LRBA: variants seen among roughly 807,000 people sequenced by gnomAD.
LRBA encodes lipopolysaccharide-responsive and beige-like anchor protein.
In LRBA, 176 loss-of-function variants were observed where a neutral mutation model predicts 330.0. That is an observed-to-expected ratio of 0.53 (90% CI 0.47 to 0.60). The LOEUF (loss-of-function observed/expected upper bound fraction) is 0.60, where lower values mean the gene tolerates loss of function less well. LRBA is among the 20% of genes least tolerant of loss of function. The pLI, the probability that LRBA is intolerant of heterozygous loss-of-function variation, is 0.00. For missense variants in LRBA, 3,259 were observed against 3,444.8 expected (o/e 0.95, Z 1.35); for synonymous variants, 1,230 against 1,193.0 (o/e 1.03, Z -0.64).
intron 47 of LRBA, among the ~76,000 whole-genome samples, chr4:150,362,854 C>A (rs1038067075): frequency 2.0e-5 from 3 of 152,158 alleles, no homozygotes; most frequent in Non-Finnish European, 4.4e-5. Flanking sequence ...GTATTCCCAG[C>A]ACACTGGGAG....
At chr4:150,820,955 C>T (rs919428051) in intron 30 of LRBA, among the ~76,000 whole-genome samples, 4 of 151,980 alleles carry the variant, frequency 2.6e-5, no homozygotes, top group African/African-American at 9.7e-5. Context: ...TTTAATATTA[C>T]CTTTTTATAC....
chr4:150,844,614 A>G (rs757758628), intron 27 of LRBA, 44 bp downstream of exon 27: 1 of 1,530,778 alleles, frequency 6.5e-7, no homozygotes, highest in Non-Finnish European at 8.9e-7. Flanking sequence ...TTAATTGTAA[A>G]ATAGGAGTAT....
chr4:150,792,203 TA>T (rs397879893), intron 34 of LRBA, among the ~76,000 whole-genome samples: 14,227 of 138,916 alleles, frequency 0.1, 845 homozygotes, highest in Non-Finnish European at 0.15. Flanking sequence ...AAGTTTTAGT[TA>T]AAAAAAAAAA....
chr4:150,430,656 T>C (rs1750259574), intron 46 of LRBA, among the ~76,000 whole-genome samples: 1 of 152,184 alleles, frequency 6.6e-6, no homozygotes, highest in Non-Finnish European at 1.5e-5. Context: ...TAAAAGTAAA[T>C]GATATCTCAG....
rs1362519165 is a variant in LRBA at position 150,423,313 on chromosome 4, C to G, written c.7042-7723G>C. On this transcript the variant is annotated intron_variant, in intron 46 of 56. Transcript: ENST00000651943. ...CTTCAAACATTCCTAATCATCCTCT[C>G]CCTGGGGGACGAGCTCTGCGGACTG... 6.6e-6 allele frequency: 5 copies of G among 755,212 alleles called. No homozygotes were observed. The East Asian group carries it at 9.9e-5, about 15-fold the overall frequency. 46.8% of individuals were successfully genotyped at this position (755,212 alleles called of 1,614,324 possible). A position where few individuals can be genotyped will look rare whatever the true frequency, so the allele number is the denominator to read the frequency against.
At chr4:150,453,140 A>G (rs937917693) in intron 44 of LRBA, among the ~76,000 whole-genome samples, 41 of 152,180 alleles carry the variant, frequency 2.7e-4, no homozygotes, top group African/African-American at 9.6e-4. Flanking sequence ...CTACAGATTG[A>G]ATGCAATCCT....
At chr4:150,784,698 G>A (rs1578772167) in intron 34 of LRBA, among the ~76,000 whole-genome samples, 1 of 152,126 alleles carries the variant, frequency 6.6e-6, no homozygotes. Context: ...TCTCTGTACA[G>A]GGGAGCTCCT....
chr4:150,520,368 T>C (rs984081282), intron 40 of LRBA, among the ~76,000 whole-genome samples: 2 of 152,182 alleles, frequency 1.3e-5, no homozygotes, highest in African/African-American at 4.8e-5. Context: ...ACTTGTCATA[T>C]CTTTCAATTT....
chr4:150,718,098 T>C lies in LRBA; in HGVS notation c.5754+17160A>G, dbSNP rs144606196. 6.1e-3 allele frequency among the ~76,000 whole-genome samples: 934 copies of C among 152,286 alleles called. 9 individuals carry two copies. The highest frequency in any genetic ancestry group is 0.021 in the African/African-American group (885 of 41,566). The stretch of plus-strand genomic sequence containing the variant: ...TGCATGACATAATTTTTTTCATAAA[T>C]ATTCTGTTTATAACCATAAGATTAA... On this transcript the variant is annotated intron_variant, in intron 36 of 56. Transcript: ENST00000651943.
intron 36 of LRBA, among the ~76,000 whole-genome samples, chr4:150,693,290 G>A (rs900559605): frequency 9.9e-5 from 15 of 152,122 alleles, no homozygotes; most frequent in African/African-American, 3.1e-4. Flanking sequence ...AGGGCCGGGC[G>A]CGGTGGCTCA....
intron 40 of LRBA, among the ~76,000 whole-genome samples, chr4:150,572,510 T>C (rs1769997748): frequency 6.6e-6 from 1 of 152,174 alleles, no homozygotes; most frequent in African/African-American, 2.4e-5. Flanking sequence ...GATTGGCTCA[T>C]TTCTACCTTT....
At chr4:150,900,240 T>A (rs1182049629) in intron 13 of LRBA, 23 bp from the exon 14 acceptor site, 1 of 1,573,110 alleles carries the variant, frequency 6.4e-7, no homozygotes, top group South Asian at 1.2e-5. Flanking sequence ...AATGAAGAAC[T>A]TAGAGAACCC....
At chr4:151,013,777 G>C (rs552913395) in intron 2 of LRBA, 1 of 139,370 alleles carries the variant, frequency 7.2e-6, no homozygotes, top group African/African-American at 2.7e-5. Context: ...ATGCTTTCCT[G>C]CTAGACATGA....
Position 150,908,431 on chromosome 4 carries a change from C to T in LRBA, c.1396G>A (p.Ala466Thr), listed in dbSNP as rs1731583751. The T allele has an allele frequency of 2.5e-6, 4 of 1,607,530 alleles. No homozygotes were observed. Among genetic ancestry groups the T allele is most frequent in the Non-Finnish European group, 3.4e-6 (4 of 1,178,500 alleles). ...TGTACTCCTCCAATTGAATGCATTG[C>T]ACTTTGGATGGAATGTGTTAAAACT... ...KAVLTHSIQS[A>T]MHSIGGVQVL... The change falls in exon 11 of 57, where the codon GCA (alanine) becomes ACA (threonine). Residue 466 changes from alanine to threonine, a missense_variant. Transcript: ENST00000651943.
At chr4:150,456,226 T>C (rs1165874167) in intron 44 of LRBA, among the ~76,000 whole-genome samples, 1 of 152,186 alleles carries the variant, frequency 6.6e-6, no homozygotes, top group Non-Finnish European at 1.5e-5. Context: ...AGCTCATTTT[T>C]AGTTTTCTGA....
intron 36 of LRBA, among the ~76,000 whole-genome samples, chr4:150,724,114 C>T (rs1245299049): frequency 6.6e-6 from 1 of 152,148 alleles, no homozygotes; most frequent in Non-Finnish European, 1.5e-5. Context: ...TGGACATTCC[C>T]GGAGCCTGTG....
chr4:150,909,279 C>G (rs1731702277), intron 9 of LRBA, among the ~76,000 whole-genome samples: 1 of 152,268 alleles, frequency 6.6e-6, no homozygotes, highest in African/African-American at 2.4e-5. Context: ...AACAACTCCC[C>G]ATTTCCTGCT....
At chr4:150,735,469 T>A in intron 35 of LRBA, 103 bp from the exon 36 acceptor site, 1 of 766,772 alleles carries the variant, frequency 1.3e-6, no homozygotes, top group East Asian at 2.5e-5. Context: ...ACTTTCTTCT[T>A]TTGACATCAT....
chr4:150,457,560 G>C (rs1197565883), intron 44 of LRBA, among the ~76,000 whole-genome samples: 1 of 151,558 alleles, frequency 6.6e-6, no homozygotes, highest in Non-Finnish European at 1.5e-5. Context: ...TAAAATCATA[G>C]GCAAGATAAG....
Sources: allele counts gnomAD v4.1 joint callset (sites outside exome capture counted in the v4.1 genomes callset), GRCh38; gene constraint gnomAD v4.1.1; transcripts MANE v1.5; gene names NCBI Gene and HGNC (gene_info 2026-07-23, HGNC 2026-07-21).